Variants in ADGB observed in about 807,000 individuals in gnomAD.
The protein encoded by ADGB is calpain-7-like protein.
Under a neutral mutation model 210.5 loss-of-function variants are expected in ADGB, and 172 were observed. The ratio of observed to expected loss-of-function variants is 0.82; its 90% confidence interval spans 0.72 to 0.93. The LOEUF is 0.93. ADGB is among the 40% of genes least tolerant of loss of function. The pLI is 0.00. For missense variants in ADGB, 2,025 were observed against 1,964.8 expected (o/e 1.03, Z -0.58); for synonymous variants, 658 against 662.7 (o/e 0.99, Z 0.11).
chr6:146,653,313 TA>T (rs1419999850), intron 3 of ADGB, among the ~76,000 whole-genome samples: 4 of 152,044 alleles, frequency 2.6e-5, no homozygotes, highest in African/African-American at 9.7e-5. Context: ...AAGTGCACAA[TA>T]AATGTAATGT....
intron 3 of ADGB, among the ~76,000 whole-genome samples, chr6:146,646,371 G>A (rs954567805): frequency 1.1e-4 from 17 of 152,082 alleles, no homozygotes; most frequent in East Asian, 3.9e-4. Flanking sequence ...CCAATTAACC[G>A]TTTTAAGCAA....
At chr6:146,696,095 G>A (rs1413454321) in intron 12 of ADGB, among the ~76,000 whole-genome samples, 4 of 144,614 alleles carry the variant, frequency 2.8e-5, no homozygotes, top group East Asian at 2.0e-4. Context: ...TTTTTTTCCC[G>A]AGATGGAGTC....
Position 146,721,502 on chromosome 6 carries a change from G to T in ADGB, c.2092G>T (p.Gly698Ter). The T allele has an allele frequency of 2.0e-6, 3 of 1,521,870 alleles. No homozygotes were observed. Among genetic ancestry groups the T allele is most frequent in the African/African-American group, 1.5e-5 (1 of 68,054 alleles). 94.3% of individuals were successfully genotyped at this position (1,521,870 alleles called of 1,614,324 possible). Residue 698 changes from glycine (G) to a stop codon, truncating the protein, a stop_gained, in exon 17 of 36, where the codon GGA (glycine) becomes TGA (stop). Coordinates refer to ENST00000397944, the MANE Select transcript of ADGB (RefSeq NM_024694.4). LOFTEE classifies it high-confidence loss of function. The part of the protein sequence containing the change: ...FSALVRWGEY[G>*]ALTKDSPPIE... ...TGCATTGGTACGCTGGGGGGAGTAT[G>T]GAGGTAAGAGGGCTCTGAGAAAATG...
chr6:146,735,487 G>A (rs1358817841), intron 22 of ADGB, among the ~76,000 whole-genome samples: 8 of 152,232 alleles, frequency 5.3e-5, no homozygotes, highest in Admixed American at 2.0e-4. Flanking sequence ...ACACTCTTTC[G>A]ATAATCACAT....
chr6:146,752,543 G>GT lies in ADGB; in HGVS notation c.3381dup (p.Leu1128SerfsTer27). ...TTTTCTTTACAGGTATTCGGTTAAA[G>GT]TTCTAACACCACAACCTGCTACAAT... On this transcript the variant is annotated frameshift_variant, in exon 27 of 36. Transcript: ENST00000397944. LOFTEE classifies it high-confidence loss of function. 1.3e-6 allele frequency: 2 copies of GT among 1,544,186 alleles called. No homozygotes were observed. The highest frequency in any genetic ancestry group is 2.4e-5 in the South Asian group (2 of 82,372).
chr6:146,747,525 T>C (rs939980285), intron 26 of ADGB, among the ~76,000 whole-genome samples: 4 of 152,084 alleles, frequency 2.6e-5, no homozygotes, highest in Non-Finnish European at 5.9e-5. Context: ...TACAACCTTT[T>C]CTGGAAACTC....
chr6:146,791,794 A>T (rs1223553464), intron 33 of ADGB, among the ~76,000 whole-genome samples: 5 of 151,732 alleles, frequency 3.3e-5, no homozygotes, highest in African/African-American at 1.2e-4. Context: ...GGCCTTGCTC[A>T]GTCACCCGAA....
At chr6:146,692,073 C>A (rs1776336854) in intron 11 of ADGB, among the ~76,000 whole-genome samples, 1 of 152,070 alleles carries the variant, frequency 6.6e-6, no homozygotes, top group East Asian at 1.9e-4. Context: ...CTTCTTAAAA[C>A]AGTTATTCAT....
intron 1 of ADGB, among the ~76,000 whole-genome samples, chr6:146,631,011 T>A (rs1781056982): frequency 6.6e-6 from 1 of 152,144 alleles, no homozygotes; most frequent in African/African-American, 2.4e-5. Context: ...CTGATAAGGA[T>A]AAGCTCATAA....
In ADGB at chr6:146,678,223, T is replaced by A. The variant is rs78722300; in HGVS notation, c.1216+1782T>A. On this transcript the variant is annotated intron_variant, in intron 9 of 35. Coordinates refer to ENST00000397944, the MANE Select transcript of ADGB (RefSeq NM_024694.4). Reference sequence around the variant, plus strand: ...AAATATAACATGACATTTATATTGTTTGTTTGTTTATTTGTTTATTTGACA... The same window carrying A: ...AAATATAACATGACATTTATATTGTATGTTTGTTTATTTGTTTATTTGACA... 2.5e-3 allele frequency among the ~76,000 whole-genome samples: 376 copies of A among 152,248 alleles called. 4 individuals carry two copies. The highest frequency in any genetic ancestry group is 8.6e-3 in the African/African-American group (357 of 41,558).
chr6:146,693,017 T>C, intron 12 of ADGB, 102 bp downstream of exon 12: 2 of 658,622 alleles, frequency 3.0e-6, no homozygotes, highest in Non-Finnish European at 5.0e-6. Context: ...TGAAGAATAG[T>C]AATTTTAAAA....
chr6:146,746,929 T>A (rs903370488), intron 26 of ADGB, among the ~76,000 whole-genome samples: 1 of 151,012 alleles, frequency 6.6e-6, no homozygotes, highest in African/African-American at 2.5e-5. Context: ...ACCTCTCCAC[T>A]TAAAAAAAAA....
intron 16 of ADGB, among the ~76,000 whole-genome samples, chr6:146,719,736 G>A (rs536964209): frequency 2.6e-4 from 39 of 152,138 alleles, no homozygotes; most frequent in African/African-American, 8.7e-4. Context: ...CCCTCAATTC[G>A]CAGGCCCTTG....
chr6:146,675,643 T>G (rs1229639351), intron 8 of ADGB, among the ~76,000 whole-genome samples: 1 of 152,174 alleles, frequency 6.6e-6, no homozygotes, highest in Non-Finnish European at 1.5e-5. Context: ...GACAGAAATC[T>G]ATAATTTCTG....
intron 5 of ADGB, among the ~76,000 whole-genome samples, chr6:146,660,451 G>T (rs971402994): frequency 1.3e-5 from 2 of 151,856 alleles, no homozygotes; most frequent in African/African-American, 2.4e-5. Context: ...ATCCTCCTAA[G>T]CTTTCTTCTA....
chr6:146,793,660 C>A (rs781075949), intron 33 of ADGB, among the ~76,000 whole-genome samples: 16 of 152,168 alleles, frequency 1.1e-4, no homozygotes, highest in Non-Finnish European at 1.8e-4. Context: ...CGAGTAATAG[C>A]AAGATGGCTG....
intron 1 of ADGB, among the ~76,000 whole-genome samples, chr6:146,622,856 T>C (rs1405347042): frequency 6.6e-6 from 1 of 152,076 alleles, no homozygotes; most frequent in African/African-American, 2.4e-5. Flanking sequence ...AAGTTTTACA[T>C]TTCAGTATAT....
intron 35 of ADGB, among the ~76,000 whole-genome samples, chr6:146,810,586 G>A (rs1272024513): frequency 6.7e-6 from 1 of 149,716 alleles, no homozygotes; most frequent in Non-Finnish European, 1.5e-5. Flanking sequence ...AGAAAATGTG[G>A]TATATATATA....
intron 3 of ADGB, among the ~76,000 whole-genome samples, chr6:146,645,184 T>G: frequency 6.6e-6 from 1 of 152,044 alleles, no homozygotes; most frequent in East Asian, 1.9e-4. Flanking sequence ...TCTTTCTGCT[T>G]CTTTGCATGA....
Sources: allele counts gnomAD v4.1 joint callset (sites outside exome capture counted in the v4.1 genomes callset), GRCh38; gene constraint gnomAD v4.1.1; transcripts MANE v1.5; gene names NCBI Gene and HGNC (gene_info 2026-07-23, HGNC 2026-07-21).